Variants in GTF3C1 observed in about 807,000 individuals in gnomAD.
GTF3C1 encodes the protein general transcription factor IIIC subunit 1.
Under a neutral mutation model 226.7 loss-of-function variants are expected in GTF3C1, and 57 were observed. That is an observed-to-expected ratio of 0.25 (90% confidence interval 0.20 to 0.31). The LOEUF (loss-of-function observed/expected upper bound fraction) is 0.31. GTF3C1 is among the 10% of genes least tolerant of loss of function. GTF3C1 has a pLI of 1.00. For synonymous variants in GTF3C1, 1,090 were observed against 1,084.8 expected, an observed-to-expected ratio of 1.00 and a Z score of -0.09; for missense variants, 2,217 against 2,776.1, an observed-to-expected ratio of 0.80 and a Z score of 4.53.
chr16:27,501,736 G>A (rs2088407466), intron 11 of GTF3C1, among the ~76,000 whole-genome samples: 1 of 152,342 alleles, frequency 6.6e-6, no homozygotes, highest in East Asian at 1.9e-4. Flanking sequence ...AGTGCATTTT[G>A]TCTTCTCTCT....
intron 7 of GTF3C1, among the ~76,000 whole-genome samples, chr16:27,509,078 G>A (rs1320191938): frequency 1.3e-5 from 2 of 152,204 alleles, no homozygotes; most frequent in African/African-American, 2.4e-5. Context: ...TTTTCTTAAT[G>A]TGTATTCTTC....
In GTF3C1 at chr16:27,503,849, G is replaced by C. The variant is rs150409047; in HGVS notation, c.1771-854C>G. Among the ~76,000 whole-genome samples the C allele has an allele frequency of 3.9e-3, 595 of 152,234 alleles. 4 individuals are homozygous for C. The highest frequency in any genetic ancestry group is 6.7e-3 in the Non-Finnish European group (457 of 68,016). On this transcript the variant is annotated intron_variant, in intron 10 of 36. Coordinates refer to ENST00000356183, the MANE Select transcript of GTF3C1 (RefSeq NM_001520.4). Reference sequence around the variant, plus strand: ...GTTCTGCTTGCCACCTCCCAGCTGGGAGTAGCACTTTCAGGAAATGAGAAA... The same window carrying C: ...GTTCTGCTTGCCACCTCCCAGCTGGCAGTAGCACTTTCAGGAAATGAGAAA...
intron 32 of GTF3C1, among the ~76,000 whole-genome samples, chr16:27,468,477 T>C (rs1338300579): frequency 1.3e-5 from 2 of 150,886 alleles, no homozygotes; most frequent in Admixed American, 1.3e-4. Flanking sequence ...CTGGCTGTGG[T>C]GGCACATGCC....
chr16:27,548,227 A>G (rs1424915241), intron 1 of GTF3C1, among the ~76,000 whole-genome samples: 1 of 152,108 alleles, frequency 6.6e-6, no homozygotes, highest in African/African-American at 2.4e-5. Context: ...CTCTTTGCCA[A>G]CTGGCTGCCT....
rs534239951 is a variant in GTF3C1 at position 27,489,695 on chromosome 16, C to A, written c.3200G>T (p.Gly1067Val). The change falls in exon 20 of 37, where the codon GGC becomes GTC. Residue 1067 changes from glycine to valine, a missense_variant. Physicochemically the swap from Gly to Val is moderately radical, Grantham distance 109. Coordinates refer to ENST00000356183, the MANE Select transcript of GTF3C1 (RefSeq NM_001520.4). The stretch of plus-strand genomic sequence containing the variant: ...CTGCAGGCTGCCCTCCTCGTCGCTG[C>A]CCTGGTCTGTGCTGCTGTTCTTCCT... ...RVRKNSSTDQ[G>V]SDEEGSLQKE... 1.2e-6 allele frequency: 2 copies of A among 1,612,156 alleles called. No homozygotes were observed. The highest frequency in any genetic ancestry group is 2.2e-5 in the East Asian group (1 of 44,860).
intron 26 of GTF3C1, 59 bp downstream of exon 26, chr16:27,482,985 G>T: frequency 1.4e-6 from 2 of 1,418,624 alleles, no homozygotes; most frequent in Non-Finnish European, 1.0e-6. Flanking sequence ...GGAGCTGACT[G>T]AAGTCTAGCT....
chr16:27,461,102 T>G lies in GTF3C1; in HGVS notation c.*248A>C. 2 of 429,930 alleles carry G rather than the reference T, an allele frequency of 4.7e-6. No homozygotes were observed. The highest frequency in any genetic ancestry group is 8.4e-6 in the Non-Finnish European group (2 of 238,000). The allele number at this position is 429,930 out of a possible 1,614,324, so 26.6% of individuals were successfully genotyped here. ...AGAGACAAGAAGCACCAACTCCCAG[T>G]GTGATGAGGCCAGTTCCCAAGGGGA... On this transcript the variant is annotated 3_prime_UTR_variant, in exon 37 of 37. Transcript: ENST00000356183. The surrounding 1 kb of genome is among the most constrained non-coding windows in gnomAD (Gnocchi z 5.3).
At chr16:27,539,773 G>A (rs137903017) in intron 2 of GTF3C1, among the ~76,000 whole-genome samples, 6 of 152,158 alleles carry the variant, frequency 3.9e-5, no homozygotes, top group African/African-American at 1.2e-4. Flanking sequence ...GGCTTTTATC[G>A]TGGGAGTGGG....
chr16:27,516,190 T>C (rs2088655518), intron 6 of GTF3C1, among the ~76,000 whole-genome samples: 1 of 152,190 alleles, frequency 6.6e-6, no homozygotes, highest in African/African-American at 2.4e-5. Flanking sequence ...ATGGCTTGAC[T>C]CCTAGAGACT....
Position 27,533,294 on chromosome 16 carries a change from C to G in GTF3C1, c.846G>C (p.Glu282Asp). Residue 282 changes from glutamate to aspartate, a missense_variant, in exon 5 of 37, where the codon GAG becomes GAC. Physicochemically the swap from Glu to Asp is conservative, Grantham distance 45. Around this residue, in one of 12 missense-constraint regions of GTF3C1, gnomAD observed 163 missense variants for 234.3 expected, o/e 0.70. Coordinates refer to ENST00000356183, the MANE Select transcript of GTF3C1 (RefSeq NM_001520.4). Reference protein sequence around the residue: ...HIETLGKLREELGLCERTFKR... With the variant: ...HIETLGKLREDLGLCERTFKR... The stretch of plus-strand genomic sequence containing the variant: ...CCGTGGGAAACCCCAGGCTCACCAG[C>G]TCTTCCCTCAGCTTTCCCAGCGTCT... 1 of 1,553,898 alleles carries G rather than the reference C, an allele frequency of 6.4e-7. No individual in the cohort carries two copies. The highest frequency in any genetic ancestry group is 8.9e-7 in the Non-Finnish European group (1 of 1,125,006).
At chr16:27,479,818 A>G (rs1470115861) in intron 27 of GTF3C1, among the ~76,000 whole-genome samples, 1 of 152,164 alleles carries the variant, frequency 6.6e-6, no homozygotes. Context: ...TCAGGATCAC[A>G]ATCAGTATTA....
Position 27,481,182 on chromosome 16 carries a change from T to G in GTF3C1, c.4093A>C (p.Asn1365His). The change falls in exon 27 of 37, where the codon AAC becomes CAC. Residue 1365 changes from asparagine to histidine, a missense_variant. Asn to His is a moderately conservative substitution (Grantham distance 68). This residue lies in a region of GTF3C1 where 546 missense variants were observed against 663.0 expected (regional missense o/e 0.82). Coordinates refer to ENST00000356183, the MANE Select transcript of GTF3C1 (RefSeq NM_001520.4). ...GDYDDPKVCA[N>H]EFKEFVEKLK... ...TTCTCCACAAATTCTTTAAACTCGT[T>G]GGCACAAACCTTTCAACATGAGAGC... The G allele has an allele frequency of 6.2e-7, 1 of 1,614,134 alleles. No individual in the cohort carries two copies. Among genetic ancestry groups the G allele is most frequent in the Non-Finnish European group, 8.5e-7 (1 of 1,179,948 alleles).
chr16:27,505,403 G>A (rs1435453599), intron 10 of GTF3C1, among the ~76,000 whole-genome samples: 1 of 152,328 alleles, frequency 6.6e-6, no homozygotes, highest in Non-Finnish European at 1.5e-5. Context: ...GCACTGTCCT[G>A]TGTATTGTAG....
In GTF3C1 at chr16:27,492,773, G is replaced by T. The variant is rs2088252578; in HGVS notation, c.2877-60C>A. ...ACCACACTCGCAGCCGGCCGCAGGG[G>T]TCTGCATGTGGGGTGAGGGGTGCGA... On this transcript the variant is annotated intron_variant, in intron 17 of 36. Coordinates refer to ENST00000356183, the MANE Select transcript of GTF3C1 (RefSeq NM_001520.4). The surrounding 1 kb of genome is among the most constrained non-coding windows in gnomAD (Gnocchi z 5.0). 1.1e-6 allele frequency: 1 copy of T among 935,248 alleles called. No individual in the cohort carries two copies. Among genetic ancestry groups the T allele is most frequent in the Non-Finnish European group, 1.8e-6 (1 of 561,242 alleles). 57.9% of individuals were successfully genotyped at this position (935,248 alleles called of 1,614,324 possible). A position where few individuals can be genotyped will look rare whatever the true frequency, so the allele number is the denominator to read the frequency against.
chr16:27,474,633 G>A (rs114892218), intron 29 of GTF3C1, among the ~76,000 whole-genome samples: 64 of 152,114 alleles, frequency 4.2e-4, no homozygotes, highest in African/African-American at 1.4e-3. Flanking sequence ...AATAAAATAC[G>A]GTCTGTGGAC....
intron 24 of GTF3C1, 49 bp from the exon 25 acceptor site, chr16:27,484,402 A>ACAT (rs781326568): frequency 7.3e-7 from 1 of 1,362,544 alleles, no homozygotes; most frequent in South Asian, 1.2e-5. Context: ...CTCAGAGACG[A>ACAT]CATCATGGGG....
intron 2 of GTF3C1, among the ~76,000 whole-genome samples, chr16:27,543,973 A>T (rs569252173): frequency 2.0e-5 from 3 of 152,130 alleles, no homozygotes; most frequent in Non-Finnish European, 4.4e-5. Context: ...GGGGTGATTC[A>T]TCTAAGAAGC....
rs1226565483 is a variant in GTF3C1, at chr16:27,538,344, T to C, written c.444A>G (p.Lys148=). The C allele has an allele frequency of 6.5e-7, 1 of 1,537,036 alleles. No individual in the cohort carries two copies. Among genetic ancestry groups the C allele is most frequent in the African/African-American group, 1.4e-5 (1 of 71,710 alleles). ...TGGCCTGGGAGGCAACGATGATCAG[T>C]TTCTTCCCCCACCTGCAAATCGGAA... ...MVEAFDRWGK[K]LIIVASQAMR... The change falls in exon 3 of 37, where the codon AAA becomes AAG. Residue 148 remains lysine, a synonymous_variant. Coordinates refer to ENST00000356183, the MANE Select transcript of GTF3C1 (RefSeq NM_001520.4).
intron 2 of GTF3C1, among the ~76,000 whole-genome samples, chr16:27,541,368 C>T (rs893418720): frequency 1.3e-5 from 2 of 152,122 alleles, no homozygotes; most frequent in African/African-American, 4.8e-5. Flanking sequence ...CCTCTGATGC[C>T]GTGCTGGGGA....
Sources: allele counts gnomAD v4.1 joint callset (sites outside exome capture counted in the v4.1 genomes callset), GRCh38; gene constraint gnomAD v4.1.1; regional missense constraint gnomAD v4.1.1; non-coding constraint Gnocchi (gnomAD v3.1); transcripts MANE v1.5; gene names NCBI Gene and HGNC (gene_info 2026-07-23, HGNC 2026-07-21).